The following CHD9 variants were observed in gnomAD, a reference collection of about 807,000 sequenced individuals.
The protein encoded by CHD9 is chromodomain helicase DNA binding protein 9.
Under a neutral mutation model 316.1 loss-of-function variants are expected in CHD9, and 77 were observed. That is an observed-to-expected ratio of 0.24 (90% confidence interval 0.20 to 0.29). CHD9 has a LOEUF of 0.29. CHD9 is among the 10% of genes least tolerant of loss of function. The pLI is 1.00. For synonymous variants in CHD9, 1,129 were observed against 1,158.3 expected, an observed-to-expected ratio of 0.97 and a Z score of 0.51; for missense variants, 2,763 against 3,438.1, an observed-to-expected ratio of 0.80 and a Z score of 4.91.
At chr16:53,249,746 A>G (rs916741807) in intron 16 of CHD9, 125 bp from the exon 17 acceptor site, 2 of 744,346 alleles carry the variant, frequency 2.7e-6, no homozygotes, top group Non-Finnish European at 4.4e-6. Context: ...ACTACTTGAG[A>G]TGATATTGCT....
intron 1 of CHD9, among the ~76,000 whole-genome samples, chr16:53,136,577 G>T (rs2039727024): frequency 6.6e-6 from 1 of 150,936 alleles, no homozygotes; most frequent in Non-Finnish European, 1.5e-5. Flanking sequence ...AAAAAATCTA[G>T]GAATTTAAGA....
At chr16:53,207,502 A>G (rs968032181) in intron 2 of CHD9, among the ~76,000 whole-genome samples, 2 of 152,234 alleles carry the variant, frequency 1.3e-5, no homozygotes, top group African/African-American at 4.8e-5. Context: ...GCTTCTTTTT[A>G]TAATTCAAAT....
At chr16:53,173,685 C>T (rs1282468247) in intron 2 of CHD9, among the ~76,000 whole-genome samples, 6 of 151,994 alleles carry the variant, frequency 3.9e-5, no homozygotes, top group East Asian at 1.9e-4. Context: ...GCTGGGACTA[C>T]GGGTGCCCGC....
rs760866669 is a variant in CHD9, at chr16:53,307,761, T to C, written c.6861T>C (p.Tyr2287=). ...AGTGGCCTTCAGCTAGAAGAAGTTA[T>C]GATGCTAACACAGTGGCTTCTTTCT... ...KGKWPSARRS[Y]DANTVASFYT... is the part of the protein sequence containing the mutation. Residue 2287 remains tyrosine, a synonymous_variant, in exon 33 of 39, where the codon TAT becomes TAC. Coordinates refer to ENST00000447540, the MANE Select transcript of CHD9 (RefSeq NM_001308319.2). 6.2e-7 allele frequency: 1 copy of C among 1,612,972 alleles called. No homozygotes were observed. The highest frequency in any genetic ancestry group is 8.5e-7 in the Non-Finnish European group (1 of 1,179,478).
intron 2 of CHD9, among the ~76,000 whole-genome samples, chr16:53,160,711 C>A (rs57498242): frequency 0.32 from 47,823 of 151,706 alleles, 7,715 homozygotes; most frequent in Middle Eastern, 0.39. Context: ...GTTCAAGACC[C>A]GCCTGGCCAA....
intron 1 of CHD9, among the ~76,000 whole-genome samples, chr16:53,095,710 G>A (rs1236262016): frequency 6.6e-6 from 1 of 152,138 alleles, no homozygotes; most frequent in Non-Finnish European, 1.5e-5. Flanking sequence ...GTTCTCCCTA[G>A]TATGTTCCAT....
In CHD9 at chr16:53,156,930, A is replaced by G. The variant is rs777052737; in HGVS notation, c.841A>G (p.Ile281Val). Residue 281 changes from isoleucine (I) to valine (V), a missense_variant, in exon 2 of 39, where the codon ATA becomes GTA. By Grantham distance (29) the Ile-to-Val change is conservative. Coordinates refer to ENST00000447540, the MANE Select transcript of CHD9 (RefSeq NM_001308319.2). ...SSHYSFSSNH[I>V]SPNSLLQSSA... ...ACATTATTCCTTTTCCAGTAATCAT[A>G]TATCACCAAACAGTCTACTTCAGTC... is the stretch of plus-strand genomic sequence containing the variant. The G allele has an allele frequency of 1.2e-6, 2 of 1,613,632 alleles. No homozygotes were observed. Among genetic ancestry groups the G allele is most frequent in the Admixed American group, 1.7e-5 (1 of 60,018 alleles).
intron 8 of CHD9, 113 bp from the exon 9 acceptor site, chr16:53,231,306 A>G (rs1248436855): frequency 1.3e-5 from 7 of 538,396 alleles, no homozygotes; most frequent in Non-Finnish European, 2.3e-5. Context: ...TTTATTGGAC[A>G]TTTAACTGAA....
rs149323206 is a variant in CHD9, at chr16:53,193,961, G to A, written c.1453-15521G>A. On this transcript the variant is annotated intron_variant, in intron 2 of 38. Transcript: ENST00000447540. ...ACAAATATTACTGTTGTAAAATTAC[G>A]TAGAGTAAAAGTGATATCTAAAAGT... Among the ~76,000 whole-genome samples, 247 of 152,204 alleles carry A rather than the reference G, an allele frequency of 1.6e-3. 2 individuals are homozygous for A. Among genetic ancestry groups the A allele is most frequent in the African/African-American group, 5.7e-3 (235 of 41,520 alleles).
At chr16:53,224,680 A>G (rs1326436258) in intron 4 of CHD9, among the ~76,000 whole-genome samples, 3 of 152,218 alleles carry the variant, frequency 2.0e-5, no homozygotes, top group Non-Finnish European at 4.4e-5. Flanking sequence ...AATGTACTGA[A>G]CTATTCTCAA....
At position 53,094,825 on chromosome 16, in the gene CHD9, T is replaced by C. The variant is rs146545098; in HGVS notation, c.-165+39748T>C. The stretch of plus-strand genomic sequence containing the variant: ...CCACTAATTTTGTATTTTTAGTAGA[T>C]ACAGGGTTTCGCCACGTTGGTCAGG... On this transcript the variant is annotated intron_variant, in intron 1 of 38. Coordinates refer to ENST00000447540, the MANE Select transcript of CHD9 (RefSeq NM_001308319.2). Among the ~76,000 whole-genome samples the C allele has an allele frequency of 3.5e-3, 532 of 152,114 alleles. 5 individuals are homozygous for C. The highest frequency in any genetic ancestry group is 0.011 in the African/African-American group (472 of 41,518).
intron 2 of CHD9, among the ~76,000 whole-genome samples, chr16:53,161,364 C>T (rs1046248903): frequency 2.6e-5 from 4 of 152,088 alleles, no homozygotes; most frequent in African/African-American, 9.7e-5. Flanking sequence ...ATAATTTTTG[C>T]ATGTTCTGTA....
intron 30 of CHD9, chr16:53,298,322 A>G (rs77259524): frequency 6.8e-6 from 1 of 147,378 alleles, no homozygotes; most frequent in African/African-American, 2.5e-5. Flanking sequence ...CAGCACTACA[A>G]AAAAAAAAAA....
At chr16:53,085,546 G>C (rs1413813695) in intron 1 of CHD9, among the ~76,000 whole-genome samples, 1 of 152,094 alleles carries the variant, frequency 6.6e-6, no homozygotes, top group African/African-American at 2.4e-5. Context: ...GGTTCTTTCT[G>C]CTTTCAAGGG....
intron 1 of CHD9, among the ~76,000 whole-genome samples, chr16:53,061,776 A>G (rs560813292): frequency 2.1e-4 from 32 of 152,218 alleles, no homozygotes; most frequent in Non-Finnish European, 4.0e-4. Flanking sequence ...AGTGAAAGGT[A>G]GCCCAGGGCA....
chr16:53,236,007 G>A (rs1469126773), intron 11 of CHD9, among the ~76,000 whole-genome samples: 1 of 152,124 alleles, frequency 6.6e-6, no homozygotes, highest in Non-Finnish European at 1.5e-5. Context: ...TTTCACGTGA[G>A]TCTTCTGAAT....
intron 11 of CHD9, among the ~76,000 whole-genome samples, chr16:53,237,709 A>G (rs1342450848): frequency 6.6e-6 from 1 of 152,006 alleles, no homozygotes; most frequent in African/African-American, 2.4e-5. Context: ...TCCATAATAA[A>G]CCATACTGAT....
chr16:53,255,834 T>A (rs1597671262), intron 19 of CHD9, 55 bp downstream of exon 19: 1 of 1,485,804 alleles, frequency 6.7e-7, no homozygotes, highest in East Asian at 2.3e-5. Flanking sequence ...TCCTAACTAC[T>A]GAGAAAGTTT....
At chr16:53,179,085 A>G (rs970892648) in intron 2 of CHD9, among the ~76,000 whole-genome samples, 10 of 152,364 alleles carry the variant, frequency 6.6e-5, no homozygotes, top group East Asian at 3.9e-4. Flanking sequence ...CTTAGAGTCA[A>G]TAGTTAAGAT....
Sources: allele counts gnomAD v4.1 joint callset (sites outside exome capture counted in the v4.1 genomes callset), GRCh38; gene constraint gnomAD v4.1.1; transcripts MANE v1.5; gene names NCBI Gene and HGNC (gene_info 2026-07-23, HGNC 2026-07-21).